LRBA: variants seen among roughly 807,000 people sequenced by gnomAD.
LRBA encodes the protein lipopolysaccharide-responsive and beige-like anchor protein.
Under a neutral mutation model 330.0 loss-of-function variants are expected in LRBA, and 176 were observed. That is an observed-to-expected ratio of 0.53 (90% confidence interval 0.47 to 0.60). The LOEUF (loss-of-function observed/expected upper bound fraction) is 0.60, where lower values mean the gene tolerates loss of function less well. Among genes scored for constraint, LRBA ranks in the 20% least tolerant of loss-of-function variants. The pLI, the probability that LRBA is intolerant of heterozygous loss-of-function variation, is 0.00. For missense variants in LRBA, 3,259 were observed against 3,444.8 expected (o/e 0.95, Z 1.35); for synonymous variants, 1,230 against 1,193.0 (o/e 1.03, Z -0.64).
chr4:150,738,920 A>T (rs1319414266), intron 35 of LRBA, among the ~76,000 whole-genome samples: 1 of 152,092 alleles, frequency 6.6e-6, no homozygotes, highest in Non-Finnish European at 1.5e-5. Context: ...GATAAATTTT[A>T]ACCTAAACAT....
intron 4 of LRBA, among the ~76,000 whole-genome samples, chr4:150,928,244 CT>C (rs886732208): frequency 1.2e-4 from 19 of 152,114 alleles, no homozygotes; most frequent in African/African-American, 4.1e-4. Context: ...CTACATTTAT[CT>C]TTTTTTCTAA....
At chr4:150,489,282 A>ATATAAGAATATATAATATAT (rs1758440230) in intron 41 of LRBA, among the ~76,000 whole-genome samples, 1 of 58,960 alleles carries the variant, frequency 1.7e-5, no homozygotes, top group African/African-American at 7.3e-5. Flanking sequence ...AATATATTAT[A>ATATAAGAATATATAATATAT]TATAAGAATA....
At chr4:150,325,473 C>T (rs1287139698) in intron 49 of LRBA, among the ~76,000 whole-genome samples, 1 of 152,106 alleles carries the variant, frequency 6.6e-6, no homozygotes, top group Non-Finnish European at 1.5e-5. Flanking sequence ...CAAAACTAAT[C>T]TAGAAACTCA....
At chr4:150,325,777 C>A (rs1269978730) in intron 49 of LRBA, 32 bp downstream of exon 49, 1 of 1,405,778 alleles carries the variant, frequency 7.1e-7, no homozygotes, top group South Asian at 1.2e-5. Flanking sequence ...GAAGGAGAGG[C>A]AAGAAATGAG....
chr4:150,450,998 C>A (rs969572277), intron 44 of LRBA, among the ~76,000 whole-genome samples: 9 of 152,118 alleles, frequency 5.9e-5, no homozygotes, highest in African/African-American at 2.2e-4. Flanking sequence ...CCATTGCATT[C>A]CAGCCTGAGT....
At chr4:150,857,887 T>C (rs1751411657) in intron 22 of LRBA, among the ~76,000 whole-genome samples, 2 of 152,296 alleles carry the variant, frequency 1.3e-5, no homozygotes, top group African/African-American at 2.4e-5. Flanking sequence ...CATAATGTCA[T>C]ATAATATGCA....
chr4:150,840,115 T>C (rs977711409), intron 28 of LRBA, among the ~76,000 whole-genome samples: 6 of 152,212 alleles, frequency 3.9e-5, no homozygotes, highest in African/African-American at 1.2e-4. Context: ...GTTGGAGCCT[T>C]ATCTGAAATA....
intron 47 of LRBA, among the ~76,000 whole-genome samples, chr4:150,375,578 C>G (rs1171121071): frequency 6.6e-6 from 1 of 151,794 alleles, no homozygotes; most frequent in Admixed American, 6.6e-5. Flanking sequence ...CCTGCCTCAG[C>G]CTCCCGAGTA....
chr4:150,894,650 T>C (rs1729864521), intron 16 of LRBA, among the ~76,000 whole-genome samples: 1 of 152,180 alleles, frequency 6.6e-6, no homozygotes, highest in South Asian at 2.1e-4. Flanking sequence ...AAGCTACTTG[T>C]ATACCGAATT....
intron 36 of LRBA, among the ~76,000 whole-genome samples, chr4:150,729,148 C>G (rs1582169413): frequency 6.6e-6 from 1 of 151,880 alleles, no homozygotes; most frequent in South Asian, 2.1e-4. Context: ...TAAAACCCTG[C>G]CTCTATAAAA....
intron 47 of LRBA, among the ~76,000 whole-genome samples, chr4:150,373,473 C>A (rs1740776017): frequency 1.3e-5 from 2 of 152,078 alleles, no homozygotes; most frequent in South Asian, 4.1e-4. Flanking sequence ...GCTCTCCATA[C>A]CTACTTTGTT....
chr4:150,400,050 C>G (rs1745262505), intron 47 of LRBA, among the ~76,000 whole-genome samples: 1 of 152,180 alleles, frequency 6.6e-6, no homozygotes, highest in Admixed American at 6.5e-5. Flanking sequence ...GCAAAGGAAA[C>G]AGCTTATAAG....
chr4:150,566,064 C>CA (rs5862926), intron 40 of LRBA, among the ~76,000 whole-genome samples: 36,594 of 136,280 alleles, frequency 0.27, 4,849 homozygotes, highest in African/African-American at 0.31. Flanking sequence ...CCTGTCTCTA[C>CA]AAAAAAAAAA....
intron 35 of LRBA, among the ~76,000 whole-genome samples, chr4:150,749,054 T>C (rs1481203251): frequency 6.6e-6 from 1 of 152,126 alleles, no homozygotes; most frequent in African/African-American, 2.4e-5. Context: ...GTCTCAGGTA[T>C]TTTTTATAGC....
At chr4:150,797,833 A>G (rs112385218) in intron 34 of LRBA, among the ~76,000 whole-genome samples, 1 of 152,098 alleles carries the variant, frequency 6.6e-6, no homozygotes, top group Non-Finnish European at 1.5e-5. Context: ...AGATCATTTG[A>G]TCTGGACATT....
chr4:150,908,706 T>C lies in LRBA; in HGVS notation c.1313A>G (p.Asp438Gly). ...AQLCLESSPK[D>G]NPSIFVHSPH... ...TGAATGAACAAAAATTGAAGGGTTG[T>C]CCTTAGGAGATGATTCAAGACAAAG... is the stretch of plus-strand genomic sequence containing the variant. Residue 438 changes from aspartate (D) to glycine (G), a missense_variant, in exon 10 of 57, where the codon GAC becomes GGC. Physicochemically the swap from Asp to Gly is moderately conservative, Grantham distance 94. Transcript: ENST00000651943. 6.2e-7 allele frequency: 1 copy of C among 1,614,050 alleles called. No individual in the cohort carries two copies. Among genetic ancestry groups the C allele is most frequent in the Non-Finnish European group, 8.5e-7 (1 of 1,179,930 alleles).
rs749173978 is a variant in LRBA, at chr4:150,852,136, G to A, written c.3574C>T (p.Pro1192Ser). Residue 1192 changes from proline to serine, a missense_variant, in exon 23 of 57, where the codon CCA becomes TCA. By Grantham distance (74) the Pro-to-Ser change is moderately conservative. Transcript: ENST00000651943. ...GCTATTTGGGAAACAGTAGTTTCTG[G>A]TGACATAGCTGAAGACCCTGATGCT... ...MTASGSSAMS[P>S]ETTVSQIAVE... 9 of 1,613,962 alleles carry A rather than the reference G, an allele frequency of 5.6e-6. No individual in the cohort carries two copies. In the East Asian group the frequency reaches 2.0e-4, roughly 36 times the overall value.
At chr4:150,331,681 A>G (rs920615399) in intron 48 of LRBA, among the ~76,000 whole-genome samples, 3 of 152,238 alleles carry the variant, frequency 2.0e-5, no homozygotes, top group Non-Finnish European at 2.9e-5. Context: ...GACCAAAAAT[A>G]TAAGCATTAG....
chr4:150,423,178 C>G lies in LRBA; in HGVS notation c.7042-7588G>C, dbSNP rs554781841. The G allele has an allele frequency of 1.2e-5, 16 of 1,340,684 alleles. No homozygotes were observed. The African/African-American group carries it at 1.2e-4, about 10-fold the overall frequency. The allele number at this position is 1,340,684 out of a possible 1,614,324, so 83.0% of individuals were successfully genotyped here. ...CCTCGGGGCAGGGTCCCTCCGGTCC[C>G]CCTTCTTGTTGGCTTTCTTGGCTCT... On this transcript the variant is annotated intron_variant, in intron 46 of 56. Transcript: ENST00000651943.
Sources: allele counts gnomAD v4.1 joint callset (sites outside exome capture counted in the v4.1 genomes callset), GRCh38; gene constraint gnomAD v4.1.1; transcripts MANE v1.5; gene names NCBI Gene and HGNC (gene_info 2026-07-23, HGNC 2026-07-21).